The following PKP2 variants were observed in gnomAD, a reference collection of about 807,000 sequenced individuals.
PKP2 encodes plakophilin 2.
In PKP2, 73 loss-of-function variants were observed where a neutral mutation model predicts 83.4. That is an observed-to-expected ratio of 0.88 (90% CI 0.72 to 1.06). PKP2 has a LOEUF of 1.06. Among genes scored for constraint, PKP2 ranks in the 50% least tolerant of loss-of-function variants. The pLI is 0.00. For synonymous variants in PKP2, 409 were observed against 430.4 expected, an observed-to-expected ratio of 0.95 and a Z score of 0.62; for missense variants, 966 against 1,065.4, an observed-to-expected ratio of 0.91 and a Z score of 1.30.
intron 9 of PKP2, among the ~76,000 whole-genome samples, chr12:32,812,695 G>T (rs1276966589): frequency 6.6e-6 from 1 of 152,016 alleles, no homozygotes; most frequent in Non-Finnish European, 1.5e-5. Context: ...GTAGAGACGG[G>T]GTTTCACCAT....
In PKP2 at chr12:32,835,713, G is replaced by C. The variant is rs575084178; in HGVS notation, c.1556+5315C>G. Among the ~76,000 whole-genome samples, 22 of 152,304 alleles carry C rather than the reference G, an allele frequency of 1.4e-4. No homozygotes were observed. In the South Asian group the frequency reaches 4.3e-3, roughly 30 times the overall value. On this transcript the variant is annotated intron_variant, in intron 6 of 12. Coordinates refer to ENST00000340811, the MANE Select transcript of PKP2 (RefSeq NM_001005242.3). ...TTATCTAGATTGTGATGTTAAAGTA[G>C]TCAACTAATGGAAATTCAATGCTAG... is the stretch of plus-strand genomic sequence containing the variant.
intron 8 of PKP2, 39 bp from the exon 9 acceptor site, chr12:32,821,568 C>A: frequency 6.3e-7 from 1 of 1,592,302 alleles, no homozygotes; most frequent in South Asian, 1.1e-5. Context: ...TAATGCATGT[C>A]AGGTGATGGC....
At chr12:32,888,918 AG>A (rs1215661305) in intron 1 of PKP2, among the ~76,000 whole-genome samples, 1 of 151,868 alleles carries the variant, frequency 6.6e-6, no homozygotes, top group African/African-American at 2.4e-5. Context: ...GGCCTCTCAA[AG>A]TGCTGGGATT....
intron 5 of PKP2, among the ~76,000 whole-genome samples, chr12:32,847,218 C>T (rs1956654947): frequency 6.6e-6 from 1 of 152,016 alleles, no homozygotes; most frequent in Non-Finnish European, 1.5e-5. Flanking sequence ...ATTTCTGAGG[C>T]CCAGAAAGCC....
intron 10 of PKP2, among the ~76,000 whole-genome samples, chr12:32,801,375 AT>A (rs372516393): frequency 1.3e-5 from 2 of 152,002 alleles, no homozygotes; most frequent in Non-Finnish European, 2.9e-5. Context: ...ACAAAAGACC[AT>A]GGGGAGAGCA....
At chr12:32,836,318 C>T (rs1956544998) in intron 6 of PKP2, among the ~76,000 whole-genome samples, 3 of 152,258 alleles carry the variant, frequency 2.0e-5, no homozygotes, top group Admixed American at 6.5e-5. Flanking sequence ...ACAAATGATC[C>T]GATACATCCT....
intron 6 of PKP2, among the ~76,000 whole-genome samples, chr12:32,835,182 T>C (rs1461414977): frequency 6.6e-6 from 1 of 151,384 alleles, no homozygotes; most frequent in Non-Finnish European, 1.5e-5. Context: ...GCCTCCCGAG[T>C]AGCCGGGATT....
chr12:32,875,523 G>A (rs1956923813), intron 3 of PKP2, among the ~76,000 whole-genome samples: 2 of 152,074 alleles, frequency 1.3e-5, no homozygotes, highest in Non-Finnish European at 2.9e-5. Flanking sequence ...AACACAATGG[G>A]GCTTGTAGGT....
intron 10 of PKP2, 62 bp downstream of exon 10, chr12:32,802,340 AC>A: frequency 1.3e-6 from 2 of 1,524,774 alleles, no homozygotes; most frequent in Non-Finnish European, 1.8e-6. Context: ...GATACAGACA[AC>A]ATTTCATTGC....
chr12:32,826,225 G>A (rs904400697), intron 6 of PKP2, among the ~76,000 whole-genome samples: 1 of 146,544 alleles, frequency 6.8e-6, no homozygotes, highest in Non-Finnish European at 1.5e-5. Flanking sequence ...AGAATGGTGT[G>A]AACTCGGAAG....
chr12:32,860,563 G>C (rs1442218996), intron 4 of PKP2, among the ~76,000 whole-genome samples: 1 of 152,130 alleles, frequency 6.6e-6, no homozygotes. Flanking sequence ...CTTAAAAGTA[G>C]AATTTGAGGG....
At chr12:32,793,837 C>T (rs1052109182) in intron 11 of PKP2, among the ~76,000 whole-genome samples, 1 of 151,802 alleles carries the variant, frequency 6.6e-6, no homozygotes, top group Non-Finnish European at 1.5e-5. Context: ...CTTCATGATC[C>T]GCCTGCCTCG....
intron 9 of PKP2, among the ~76,000 whole-genome samples, chr12:32,804,594 C>T (rs11052252): frequency 0.2 from 29,712 of 152,082 alleles, 3,572 homozygotes; most frequent in East Asian, 0.56. Context: ...GGATAACAGC[C>T]TCCAGCTCCA....
intron 1 of PKP2, chr12:32,893,178 T>A (rs1957090122): frequency 6.6e-6 from 1 of 152,192 alleles, no homozygotes; most frequent in Admixed American, 6.5e-5. Context: ...TCAGCCACAT[T>A]TATCTCATCT....
chr12:32,817,186 G>C (rs56033839), intron 9 of PKP2, among the ~76,000 whole-genome samples: 2,794 of 152,288 alleles, frequency 0.018, 42 homozygotes, highest in South Asian at 0.045. Context: ...ATGGGGAAAG[G>C]ACTCCCTATT....
chr12:32,867,860 T>G (rs900486778), intron 4 of PKP2, among the ~76,000 whole-genome samples: 1 of 152,188 alleles, frequency 6.6e-6, no homozygotes, highest in African/African-American at 2.4e-5. Context: ...ACTGAACACC[T>G]TTTTGAGCTG....
intron 4 of PKP2, among the ~76,000 whole-genome samples, chr12:32,859,469 G>A (rs901315708): frequency 6.6e-6 from 1 of 151,430 alleles, no homozygotes; most frequent in African/African-American, 2.4e-5. Context: ...TTTTGTGTGT[G>A]TGTGTGTGAC....
intron 6 of PKP2, among the ~76,000 whole-genome samples, chr12:32,835,369 A>C (rs964671615): frequency 6.6e-6 from 1 of 152,122 alleles, no homozygotes. Context: ...TGGGTAGTTT[A>C]AAATTCTAAG....
At chr12:32,860,845 T>A (rs1226781365) in intron 4 of PKP2, among the ~76,000 whole-genome samples, 1 of 152,082 alleles carries the variant, frequency 6.6e-6, no homozygotes, top group African/African-American at 2.4e-5. Flanking sequence ...CTGGCCAGCA[T>A]GGTGAAACCC....
Sources: allele counts gnomAD v4.1 joint callset (sites outside exome capture counted in the v4.1 genomes callset), GRCh38; gene constraint gnomAD v4.1.1; transcripts MANE v1.5; gene names NCBI Gene and HGNC (gene_info 2026-07-23, HGNC 2026-07-21).